TNXB: variants seen among roughly 807,000 people sequenced by gnomAD.
The protein encoded by TNXB is tenascin XB.
A neutral mutation model predicts 340.5 loss-of-function variants in TNXB; 183 were observed. The ratio of observed to expected loss-of-function variants is 0.54; its 90% CI spans 0.48 to 0.61. The LOEUF is 0.61. TNXB is among the 20% of genes least tolerant of loss of function. TNXB has a pLI of 0.00. For synonymous variants in TNXB, 2,121 were observed against 2,314.5 expected (o/e 0.92, Z 2.40); for missense variants, 4,613 against 5,446.4 (o/e 0.85, Z 4.82).
At chr6:32,093,115 AT>A in intron 4 of TNXB, 1 of 484,886 alleles carries the variant, frequency 2.1e-6, no homozygotes, top group Non-Finnish European at 3.7e-6. Flanking sequence ...GTTTATTTTA[AT>A]TCTTCTTTCC....
rs1174248792 is a variant in TNXB, at chr6:32,087,835, G to A, written c.2779+950C>T. On this transcript the variant is annotated intron_variant, in intron 6 of 43. Coordinates refer to ENST00000644971, the MANE Select transcript of TNXB (RefSeq NM_001365276.2). This position sits in a 1 kb window ranked among gnomAD's most constrained non-coding sequence, Gnocchi z 9.0. ...GCCCCAAGGCCGCCGTGGGGGCTGG[G>A]ACAGGCTTGGCCTGGGCGGGGACTC... 2.0e-6 allele frequency: 1 copy of A among 503,572 alleles called. No individual in the cohort carries two copies. Among genetic ancestry groups the A allele is most frequent in the Non-Finnish European group, 3.9e-6 (1 of 253,504 alleles). The allele number at this position is 503,572 out of a possible 1,614,324, so 31.2% of individuals were successfully genotyped here. A position where few individuals can be genotyped will look rare whatever the true frequency, so the allele number is the denominator to read the frequency against.
intron 11 of TNXB, among the ~76,000 whole-genome samples, chr6:32,076,478 G>A (rs954155210): frequency 2.6e-5 from 4 of 152,212 alleles, no homozygotes; most frequent in Non-Finnish European, 4.4e-5. Context: ...TATCCAGGAC[G>A]TGTAAAATAC....
Position 32,067,739 on chromosome 6 carries a change from C to T in TNXB, c.6466G>A (p.Gly2156Arg), listed in dbSNP as rs1778465879. 1.9e-6 allele frequency: 3 copies of T among 1,613,830 alleles called. No homozygotes were observed. The highest frequency in any genetic ancestry group is 2.5e-6 in the Non-Finnish European group (3 of 1,179,888). ...TACAGGTGCATCTTGTACTTGCGCCCAGGCTCCAGGCCCCCCACGGTGACT... is the reference window on the plus strand; with the variant it reads ...TACAGGTGCATCTTGTACTTGCGCCTAGGCTCCAGGCCCCCCACGGTGACT... ...SEVTVGGLEPGRKYKMHLYGL... is the reference protein window; with the variant it reads ...SEVTVGGLEPRRKYKMHLYGL... The change falls in exon 18 of 44, where the codon GGG becomes AGG. Residue 2156 changes from glycine (G) to arginine (R), a missense_variant. By Grantham distance (125) the Gly-to-Arg change is moderately radical. Coordinates refer to ENST00000644971, the MANE Select transcript of TNXB (RefSeq NM_001365276.2). This position sits in a 1 kb window ranked among gnomAD's most constrained non-coding sequence, Gnocchi z 4.2.
At position 32,096,354 on chromosome 6, in the gene TNXB, T is replaced by C. The variant is rs1239116042; in HGVS notation, c.1499A>G (p.Asp500Gly). ...CACGCAGCGCCCGCGCCCGCGACAG[T>C]CGCCAGGACAGGCGCGCGTGCCGCA... Reference protein sequence around the residue: ...RDCGTRACPGDCRGRGRCVDG... With the variant: ...RDCGTRACPGGCRGRGRCVDG... Residue 500 changes from aspartate (D) to glycine (G), a missense_variant, in exon 3 of 44, where the codon GAC becomes GGC. Asp to Gly is a moderately conservative substitution (Grantham distance 94). Around this residue, in one of 7 missense-constraint regions of TNXB, gnomAD observed 4,327 missense variants for 4,859.4 expected, o/e 0.89. Coordinates refer to ENST00000644971, the MANE Select transcript of TNXB (RefSeq NM_001365276.2). 5.2e-6 allele frequency: 8 copies of C among 1,553,028 alleles called. No homozygotes were observed. In the South Asian group the frequency reaches 9.4e-5, roughly 18 times the overall value.
Position 32,073,842 on chromosome 6 carries a change from C to G in TNXB, c.4486G>C (p.Val1496Leu). The G allele has an allele frequency of 1.2e-6, 2 of 1,612,726 alleles. No homozygotes were observed. The highest frequency in any genetic ancestry group is 1.7e-6 in the Non-Finnish European group (2 of 1,179,478). ...TPNSVGLSWT[V>L]PEGQFDSFIV... is the part of the protein sequence containing the mutation. ...AAGGAGTCAAACTGGCCCTCGGGGACTGTCCAGGAGAGGCCCACAGAGTTG... is the reference window on the plus strand; with the variant it reads ...AAGGAGTCAAACTGGCCCTCGGGGAGTGTCCAGGAGAGGCCCACAGAGTTG... Residue 1496 changes from valine to leucine, a missense_variant, in exon 12 of 44, where the codon GTC (valine) becomes CTC (leucine). Around this residue, in one of 7 missense-constraint regions of TNXB, gnomAD observed 4,327 missense variants for 4,859.4 expected, o/e 0.89. Coordinates refer to ENST00000644971, the MANE Select transcript of TNXB (RefSeq NM_001365276.2). This position sits in a 1 kb window ranked among gnomAD's most constrained non-coding sequence, Gnocchi z 4.6.
rs415620 is a variant in TNXB, at chr6:32,041,502, T to C, written c.12634-52A>G. 26,090 of 1,163,640 alleles carry C rather than the reference T, an allele frequency of 0.022. 2,993 individuals are homozygous for C. Among genetic ancestry groups the C allele is most frequent in the African/African-American group, 0.1 (5,653 of 54,446 alleles). The allele number at this position is 1,163,640 out of a possible 1,614,324, so 72.1% of individuals were successfully genotyped here. On this transcript the variant is annotated intron_variant, in intron 43 of 43. Transcript: ENST00000644971. ...TCAAAGCCGGATGTCCCATCTGCTC[T>C]TCCCGTTCCCCTTAAGGAGGTAGCT...
At position 32,083,644 on chromosome 6, in the gene TNXB, C is replaced by G. The variant is rs956702974; in HGVS notation, c.3445+769G>C. ...ACTGCCACCATCCCAGCTGACCCATCATCATTTTTCTTTTTTTTGAGACAG... is the reference window on the plus strand; with the variant it reads ...ACTGCCACCATCCCAGCTGACCCATGATCATTTTTCTTTTTTTTGAGACAG... On this transcript the variant is annotated intron_variant, in intron 8 of 43. Transcript: ENST00000644971. The surrounding 1 kb of genome is among the most constrained non-coding windows in gnomAD (Gnocchi z 4.6). 4.6e-5 allele frequency among the ~76,000 whole-genome samples: 7 copies of G among 152,098 alleles called. No homozygotes were observed. Among genetic ancestry groups the G allele is most frequent in the Admixed American group, 3.9e-4 (6 of 15,262 alleles).
At chr6:32,094,991 T>G in intron 4 of TNXB, 85 bp downstream of exon 4, 1 of 1,132,640 alleles carries the variant, frequency 8.8e-7, no homozygotes, top group Non-Finnish European at 1.3e-6. Context: ...CAACCAATGA[T>G]CACCTGGAAC....
In TNXB at chr6:32,044,250, T is replaced by C. The variant is rs560149532; in HGVS notation, c.11264-121A>G. The C allele has an allele frequency of 1.8e-3, 1,092 of 598,272 alleles. 17 individuals carry two copies. Among genetic ancestry groups the C allele is most frequent in the African/African-American group, 5.1e-3 (191 of 37,542 alleles). 37.1% of individuals were successfully genotyped at this position (598,272 alleles called of 1,614,324 possible). ...CCCCTTTTCCTCTAGTCCCCAGGAA[T>C]GGAAGTCGCTCTGCAGATTCCTCCA... On this transcript the variant is annotated intron_variant, in intron 33 of 43. Transcript: ENST00000644971.
chr6:32,069,478 A>G lies in TNXB; in HGVS notation c.5587+75T>C. 4.8e-6 allele frequency: 7 copies of G among 1,457,858 alleles called. No individual in the cohort carries two copies. The highest frequency in any genetic ancestry group is 6.4e-6 in the Non-Finnish European group (7 of 1,093,690). 90.3% of individuals were successfully genotyped at this position (1,457,858 alleles called of 1,614,324 possible). On this transcript the variant is annotated intron_variant, in intron 15 of 43. Transcript: ENST00000644971. The surrounding 1 kb of genome is among the most constrained non-coding windows in gnomAD (Gnocchi z 6.2). ...AAATGATATAAAATGGGAAGCTCAG[A>G]GATCTTATGGCTCAGTCAGACCAGG...
Position 32,089,342 on chromosome 6 carries a change from G to T in TNXB, c.2396C>A (p.Pro799Gln). ...CTGGTCATAGGCTGAGGCAGAGCTTGGAACCCGTGCTGTGAATGGGGGGCT... is the reference window on the plus strand; with the variant it reads ...CTGGTCATAGGCTGAGGCAGAGCTTTGAACCCGTGCTGTGAATGGGGGGCT... ...GASPPFTARV[P>Q]SSASAYDQRG... Residue 799 changes from proline to glutamine, a missense_variant, in exon 5 of 44, where the codon CCA (proline) becomes CAA (glutamine). By Grantham distance (76) the Pro-to-Gln change is moderately conservative (BLOSUM62 -1). Coordinates refer to ENST00000644971, the MANE Select transcript of TNXB (RefSeq NM_001365276.2). The surrounding 1 kb of genome is among the most constrained non-coding windows in gnomAD (Gnocchi z 6.2). 1.9e-6 allele frequency: 3 copies of T among 1,608,438 alleles called. No homozygotes were observed. Among genetic ancestry groups the T allele is most frequent in the Non-Finnish European group, 2.5e-6 (3 of 1,178,294 alleles).
rs1777421875 is a variant in TNXB at position 32,053,463 on chromosome 6, G to A, written c.8716C>T (p.His2906Tyr). ...GVTISGLEPD[H>Y]KYKMNLYGFH... ...CCGTACAGGTTCATCTTGTACTTGT[G>A]GTCTGGCTCCAGGCCTGAGATGGTG... The change falls in exon 25 of 44, where the codon CAC (histidine) becomes TAC (tyrosine). Residue 2906 changes from histidine (H) to tyrosine (Y), a missense_variant. By Grantham distance (83) the His-to-Tyr change is moderately conservative. Transcript: ENST00000644971. 1 of 1,613,180 alleles carries A rather than the reference G, an allele frequency of 6.2e-7. No homozygotes were observed. The highest frequency in any genetic ancestry group is 1.3e-5 in the African/African-American group (1 of 74,912).
chr6:32,098,278 C>T lies in TNXB; in HGVS notation c.-8-72G>A, dbSNP rs998938303. The stretch of plus-strand genomic sequence containing the variant: ...AAAATGAATCCCCCCTTCTCCAGCA[C>T]ATACCCACGGTCCCACCACCCACAA... On this transcript the variant is annotated intron_variant, in intron 1 of 43. Coordinates refer to ENST00000644971, the MANE Select transcript of TNXB (RefSeq NM_001365276.2). The T allele has an allele frequency of 7.0e-6, 9 of 1,278,196 alleles. No homozygotes were observed. In the African/African-American group the frequency reaches 1.2e-4, roughly 17 times the overall value. The allele number at this position is 1,278,196 out of a possible 1,614,324, so 79.2% of individuals were successfully genotyped here. A position where few individuals can be genotyped will look rare whatever the true frequency, so the allele number is the denominator to read the frequency against.
In TNXB at chr6:32,046,105, T is replaced by C; in HGVS notation, c.10606+70A>G. 1 of 1,532,462 alleles carries C rather than the reference T, an allele frequency of 6.5e-7. No individual in the cohort carries two copies. The highest frequency in any genetic ancestry group is 8.8e-7 in the Non-Finnish European group (1 of 1,137,304). 94.9% of individuals were successfully genotyped at this position (1,532,462 alleles called of 1,614,324 possible). A position where few individuals can be genotyped will look rare whatever the true frequency, so the allele number is the denominator to read the frequency against. On this transcript the variant is annotated intron_variant, in intron 31 of 43. Coordinates refer to ENST00000644971, the MANE Select transcript of TNXB (RefSeq NM_001365276.2). The surrounding 1 kb of genome is among the most constrained non-coding windows in gnomAD (Gnocchi z 6.9). ...GCCTGCCCACTCCTGCAGTCATCTT[T>C]GTCTTCAGCCCAAATGCACAAGGAA...
chr6:32,074,032 A>C lies in TNXB; in HGVS notation c.4376-80T>G. On this transcript the variant is annotated intron_variant, in intron 11 of 43. Transcript: ENST00000644971. This position sits in a 1 kb window ranked among gnomAD's most constrained non-coding sequence, Gnocchi z 5.5. ...AATGATGTCTAGTTATTTATTTTTT[A>C]TTTTTTATTTTTGAGATGGAGTCTC... The C allele has an allele frequency of 1.6e-6, 2 of 1,289,266 alleles. No individual in the cohort carries two copies. Among genetic ancestry groups the C allele is most frequent in the East Asian group, 2.6e-5 (1 of 38,676 alleles). 79.9% of individuals were successfully genotyped at this position (1,289,266 alleles called of 1,614,324 possible).
Position 32,074,720 on chromosome 6 carries a change from G to C in TNXB, c.4376-768C>G, listed in dbSNP as rs1041309650. ...TTTGAGACGGAGTTTCGCTGTTGTT[G>C]CTCAGGCTGGTGTGCGATGGCGCCC... On this transcript the variant is annotated intron_variant, in intron 11 of 43. Coordinates refer to ENST00000644971, the MANE Select transcript of TNXB (RefSeq NM_001365276.2). This position sits in a 1 kb window ranked among gnomAD's most constrained non-coding sequence, Gnocchi z 5.5. Among the ~76,000 whole-genome samples the C allele has an allele frequency of 2.6e-5, 4 of 151,932 alleles. No homozygotes were observed. Among genetic ancestry groups the C allele is most frequent in the Admixed American group, 2.6e-4 (4 of 15,264 alleles).
intron 1 of TNXB, among the ~76,000 whole-genome samples, chr6:32,107,381 G>A (rs575504526): frequency 2.0e-5 from 3 of 152,116 alleles, no homozygotes; most frequent in Non-Finnish European, 2.9e-5. Context: ...CACACACCCA[G>A]AGGCTCCTTC....
At chr6:32,071,885 A>C in intron 13 of TNXB, 105 bp downstream of exon 13, 2 of 1,079,906 alleles carry the variant, frequency 1.9e-6, no homozygotes, top group Non-Finnish European at 2.6e-6. Flanking sequence ...GTGGCTTTTC[A>C]AATGAGACAG....
Position 32,067,147 on chromosome 6 carries a change from G to GAAAGA in TNXB, c.6544+509_6544+513dup, listed in dbSNP as rs1491040805. Among the ~76,000 whole-genome samples, 3 of 120,210 alleles carry GAAAGA rather than the reference G, an allele frequency of 2.5e-5. No individual in the cohort carries two copies. Among genetic ancestry groups the GAAAGA allele is most frequent in the Non-Finnish European group, 1.7e-5 (1 of 59,620 alleles). 78.9% of individuals were successfully genotyped at this position (120,210 alleles called of 152,430 possible). ...AGAAAGGAAGGAAGAAAGAAAGAAA[G>GAAAGA]AAAGAAAGAAAGAAAGAAAGAAAGA... On this transcript the variant is annotated intron_variant, in intron 18 of 43. Transcript: ENST00000644971. The surrounding 1 kb of genome is among the most constrained non-coding windows in gnomAD (Gnocchi z 4.2).
Sources: gnomAD v4.1 joint callset for allele counts (sites outside exome capture counted in the v4.1 genomes callset) on GRCh38, gnomAD v4.1.1 for gene constraint, gnomAD v4.1.1 regional missense constraint, Gnocchi (gnomAD v3.1) non-coding constraint, MANE v1.5 for transcripts, NCBI Gene and HGNC (gene_info 2026-07-23, HGNC 2026-07-21) for gene names.